The following LRMDA variants were observed in gnomAD, a reference collection of about 807,000 sequenced individuals.
The protein encoded by LRMDA is leucine rich melanocyte differentiation associated.
A neutral mutation model predicts 29.8 loss-of-function variants in LRMDA; 18 were observed. That is an observed-to-expected ratio of 0.60 (90% CI 0.42 to 0.90). The LOEUF (loss-of-function observed/expected upper bound fraction) is 0.90. Ranked by LOEUF, LRMDA falls within the 40% of genes least tolerant of loss-of-function variation. LRMDA has a pLI of 0.00. For synonymous variants in LRMDA, 125 were observed against 109.4 expected, an observed-to-expected ratio of 1.14 and a Z score of -0.89; for missense variants, 273 against 273.9, an observed-to-expected ratio of 1.00 and a Z score of 0.02.
At chr10:75,647,689 G>C (rs1000670076) in intron 2 of LRMDA, 3 of 152,124 alleles carry the variant, frequency 2.0e-5, no homozygotes, top group Non-Finnish European at 2.9e-5. Context: ...ACCAACTTGA[G>C]ATAACTTAAG....
At chr10:75,666,194 C>G (rs900738391) in intron 2 of LRMDA, among the ~76,000 whole-genome samples, 2 of 151,940 alleles carry the variant, frequency 1.3e-5, no homozygotes, top group African/African-American at 4.8e-5. Flanking sequence ...AGTATATAAA[C>G]TATATTACCT....
chr10:75,714,760 G>T (rs1480845659), intron 2 of LRMDA, among the ~76,000 whole-genome samples: 1 of 151,562 alleles, frequency 6.6e-6, no homozygotes, highest in Non-Finnish European at 1.5e-5. Flanking sequence ...AATTATGAGG[G>T]TTACATTTTC....
chr10:76,094,844 G>A (rs1350520489), intron 5 of LRMDA, among the ~76,000 whole-genome samples: 9 of 151,882 alleles, frequency 5.9e-5, no homozygotes, highest in Non-Finnish European at 5.9e-5. Flanking sequence ...CCCAGTGCCC[G>A]CCCAGATTTT....
At chr10:75,913,805 A>T (rs1463423812) in intron 2 of LRMDA, among the ~76,000 whole-genome samples, 1 of 152,162 alleles carries the variant, frequency 6.6e-6, no homozygotes, top group Non-Finnish European at 1.5e-5. Flanking sequence ...GGGACAGGAG[A>T]ACGTCCTGGA....
intron 2 of LRMDA, among the ~76,000 whole-genome samples, chr10:75,803,500 C>T (rs545727493): frequency 1.3e-5 from 2 of 152,252 alleles, no homozygotes; most frequent in East Asian, 3.9e-4. Context: ...GGATCCAGAC[C>T]GCCTGCATGT....
intron 5 of LRMDA, among the ~76,000 whole-genome samples, chr10:76,259,807 G>C (rs552482654): frequency 4.6e-5 from 7 of 152,054 alleles, no homozygotes; most frequent in African/African-American, 1.7e-4. Flanking sequence ...TTGCTTAATT[G>C]ATCCCTTTGT....
At chr10:76,151,178 T>C (rs1262753533) in intron 5 of LRMDA, among the ~76,000 whole-genome samples, 1 of 152,122 alleles carries the variant, frequency 6.6e-6, no homozygotes, top group Non-Finnish European at 1.5e-5. Context: ...AGATCTTCGT[T>C]GTCAGCTTTT....
chr10:76,402,858 G>C (rs929726672), intron 6 of LRMDA, among the ~76,000 whole-genome samples: 1 of 152,198 alleles, frequency 6.6e-6, no homozygotes, highest in East Asian at 1.9e-4. Context: ...TTAAAATAGA[G>C]ATTTTTTCAG....
intron 2 of LRMDA, among the ~76,000 whole-genome samples, chr10:75,982,917 C>T (rs1847198293): frequency 2.6e-5 from 4 of 152,272 alleles, no homozygotes; most frequent in African/African-American, 4.8e-5. Context: ...CCAGCAGCCT[C>T]GCAAGGAGCA....
At chr10:75,733,244 A>G (rs1483429328) in intron 2 of LRMDA, among the ~76,000 whole-genome samples, 5 of 152,242 alleles carry the variant, frequency 3.3e-5, no homozygotes, top group African/African-American at 9.6e-5. Context: ...GGCACTTAGC[A>G]CAGTGGTGAG....
intron 2 of LRMDA, among the ~76,000 whole-genome samples, chr10:75,636,068 A>C (rs4745785): frequency 6.6e-6 from 1 of 152,126 alleles, no homozygotes; most frequent in African/African-American, 2.4e-5. Context: ...GATTAATCCT[A>C]TGCAAATGTT....
At chr10:76,502,776 G>C (rs891168421) in intron 6 of LRMDA, among the ~76,000 whole-genome samples, 2 of 149,764 alleles carry the variant, frequency 1.3e-5, no homozygotes, top group Admixed American at 6.6e-5. Flanking sequence ...AGTGGTTTAT[G>C]AATTTTGGGA....
At chr10:75,881,474 T>G in intron 2 of LRMDA, among the ~76,000 whole-genome samples, 1 of 152,056 alleles carries the variant, frequency 6.6e-6, no homozygotes, top group East Asian at 1.9e-4. Flanking sequence ...GCTACTCCCT[T>G]TGCAAATCTC....
chr10:75,443,232 A>G (rs989284807), intron 2 of LRMDA, among the ~76,000 whole-genome samples: 1 of 152,098 alleles, frequency 6.6e-6, no homozygotes, highest in East Asian at 1.9e-4. Context: ...TAGGACTTCT[A>G]TTACCATACT....
Position 75,899,291 on chromosome 10 carries a change from G to A in LRMDA, c.132-136717G>A, listed in dbSNP as rs575478391. ...TCAGCAAACATTTCTTACCAGATGC[G>A]ATGCTAGAATAAGTCTAGCCATGAA... On this transcript the variant is annotated intron_variant, in intron 2 of 6. Transcript: ENST00000611255. Among the ~76,000 whole-genome samples the A allele has an allele frequency of 6.2e-4, 95 of 152,280 alleles. No homozygotes were observed. In the Middle Eastern group the frequency reaches 0.01, roughly 16 times the overall value.
At chr10:76,056,945 T>C (rs1848625254) in intron 4 of LRMDA, among the ~76,000 whole-genome samples, 1 of 152,298 alleles carries the variant, frequency 6.6e-6, no homozygotes, top group South Asian at 2.1e-4. Context: ...CTACTGCAGC[T>C]GGTGTATTTG....
chr10:75,995,867 G>C (rs935201647), intron 2 of LRMDA, among the ~76,000 whole-genome samples: 4 of 152,012 alleles, frequency 2.6e-5, no homozygotes, highest in African/African-American at 9.7e-5. Context: ...GGCCTTTCTT[G>C]GACTGTGTTC....
chr10:76,073,198 A>AT (rs1454021280), intron 5 of LRMDA, among the ~76,000 whole-genome samples: 2 of 152,102 alleles, frequency 1.3e-5, no homozygotes, highest in East Asian at 1.9e-4. Flanking sequence ...TTGTTTTTAT[A>AT]TTTTTTAACA....
At chr10:76,412,473 C>G (rs868542501) in intron 6 of LRMDA, among the ~76,000 whole-genome samples, 19 of 152,236 alleles carry the variant, frequency 1.2e-4, no homozygotes, top group South Asian at 4.2e-4. Flanking sequence ...GAACATAGCT[C>G]TATATTCAAC....
Sources: gnomAD v4.1 joint callset for allele counts (sites outside exome capture counted in the v4.1 genomes callset) on GRCh38, gnomAD v4.1.1 for gene constraint, MANE v1.5 for transcripts, NCBI Gene and HGNC (gene_info 2026-07-23, HGNC 2026-07-21) for gene names.